WNK1: variants seen among roughly 807,000 people sequenced by gnomAD.
The protein encoded by WNK1 is WNK lysine deficient protein kinase 1.
In WNK1, 38 loss-of-function variants were observed where a neutral mutation model predicts 222.8. The observed-to-expected ratio is 0.17, with a 90% confidence interval of 0.13 to 0.22. The LOEUF is 0.22. WNK1 is among the 10% of genes least tolerant of loss of function. The pLI is 1.00. For synonymous variants in WNK1, 1,090 were observed against 1,092.9 expected, an observed-to-expected ratio of 1.00 and a Z score of 0.05; for missense variants, 2,348 against 2,918.4, an observed-to-expected ratio of 0.80 and a Z score of 4.50.
chr12:909,709 T>A lies in WNK1; in HGVS notation c.*917T>A, dbSNP rs1000949705. On this transcript the variant is annotated 3_prime_UTR_variant, in exon 28 of 28. Coordinates refer to ENST00000315939, the MANE Select transcript of WNK1 (RefSeq NM_018979.4). ...TGGACATTTTAGTGCCTTGGACTTC[T>A]ATTGCTTCTGCCATTAGCATCAACT... 6.6e-6 allele frequency: 1 copy of A among 152,256 alleles called. No homozygotes were observed. Among genetic ancestry groups the A allele is most frequent in the East Asian group, 1.9e-4 (1 of 5,204 alleles). 9.4% of individuals were successfully genotyped at this position (152,256 alleles called of 1,614,324 possible).
intron 2 of WNK1, among the ~76,000 whole-genome samples, chr12:825,177 C>T (rs969312715): frequency 2.0e-5 from 3 of 152,146 alleles, no homozygotes; most frequent in African/African-American, 7.2e-5. Context: ...GCCCTTATGC[C>T]GCTTTCCAGG....
intron 1 of WNK1, chr12:781,394 A>G (rs750323383): frequency 3.3e-5 from 5 of 152,072 alleles, no homozygotes; most frequent in Non-Finnish European, 7.3e-5. Flanking sequence ...GTTGATAGCT[A>G]TTTGCCACAA....
chr12:755,469 C>A (rs1939860930), intron 1 of WNK1, among the ~76,000 whole-genome samples: 1 of 152,126 alleles, frequency 6.6e-6, no homozygotes, highest in Non-Finnish European at 1.5e-5. Flanking sequence ...GAAATTAACA[C>A]AGCATGTGGA....
intron 4 of WNK1, among the ~76,000 whole-genome samples, chr12:845,575 A>G (rs1949971383): frequency 6.6e-6 from 1 of 152,242 alleles, no homozygotes; most frequent in African/African-American, 2.4e-5. Flanking sequence ...TTCCTTTCAA[A>G]TTCCGGCAAT....
chr12:759,597 G>C (rs1261803679), intron 1 of WNK1, among the ~76,000 whole-genome samples: 3 of 147,998 alleles, frequency 2.0e-5, no homozygotes, highest in South Asian at 2.2e-4. Context: ...CCAAAGTCCT[G>C]GGATTACAGG....
intron 20 of WNK1, 70 bp from the exon 21 acceptor site, chr12:889,070 C>G (rs1349885867): frequency 8.5e-7 from 1 of 1,171,368 alleles, no homozygotes; most frequent in Non-Finnish European, 1.3e-6. Flanking sequence ...TGTGTCCTAT[C>G]TAAATTGGCT....
chr12:759,617 C>T (rs1940733993), intron 1 of WNK1, among the ~76,000 whole-genome samples: 1 of 148,074 alleles, frequency 6.8e-6, no homozygotes, highest in Admixed American at 6.7e-5. Context: ...GCTTGAGCCA[C>T]CATGCTCAGC....
chr12:884,650 T>A lies in WNK1; in HGVS notation c.3846T>A (p.Val1282=). 6.2e-7 allele frequency: 1 copy of A among 1,614,110 alleles called. No homozygotes were observed. Among genetic ancestry groups the A allele is most frequent in the Non-Finnish European group, 8.5e-7 (1 of 1,179,898 alleles). The change falls in exon 19 of 28, where the codon GTT becomes GTA. Residue 1282 remains valine (V), a splice_region_variant and synonymous_variant. Transcript: ENST00000315939. This position sits in a 1 kb window ranked among gnomAD's most constrained non-coding sequence, Gnocchi z 5.6. ...TTATCTTTTTGTATTCCTTTGCAGT[T>A]GCTGCCTCTACAGCTCAGAGCCCTG... is the stretch of plus-strand genomic sequence containing the variant. ...KVFPSEITDT[V]AASTAQSPGM...
At chr12:758,254 A>G (rs973022629) in intron 1 of WNK1, among the ~76,000 whole-genome samples, 1 of 145,514 alleles carries the variant, frequency 6.9e-6, no homozygotes, top group African/African-American at 2.5e-5. Context: ...TCTGTCTTTT[A>G]TTAAGACTGT....
chr12:876,835 AC>A (rs1233114992), intron 9 of WNK1, among the ~76,000 whole-genome samples: 1 of 152,062 alleles, frequency 6.6e-6, no homozygotes, highest in Non-Finnish European at 1.5e-5. Context: ...AAAAAAGAAA[AC>A]TATGTGAAAA....
At chr12:779,586 G>C (rs1334147058) in intron 1 of WNK1, among the ~76,000 whole-genome samples, 2 of 151,942 alleles carry the variant, frequency 1.3e-5, no homozygotes, top group Non-Finnish European at 2.9e-5. Flanking sequence ...ATTTTTAGTA[G>C]AGACAGGGTT....
Position 880,905 on chromosome 12 carries a change from C to T in WNK1, c.3017C>T (p.Pro1006Leu). 6.2e-7 allele frequency: 1 copy of T among 1,614,150 alleles called. No homozygotes were observed. The highest frequency in any genetic ancestry group is 8.5e-7 in the Non-Finnish European group (1 of 1,180,040). Reference protein sequence around the residue: ...QPYVESNLLVPMGGVGGQVQV... With the variant: ...QPYVESNLLVLMGGVGGQVQV... ...TATGTGGAATCAAATCTTTTAGTTC[C>T]TATGGGTGGTGTAGGAGGACAGGTT... The change falls in exon 12 of 28, where the codon CCT becomes CTT. Residue 1006 changes from proline (P) to leucine (L), a missense_variant. Around this residue, in one of 13 missense-constraint regions of WNK1, gnomAD observed 547 missense variants for 558.3 expected, o/e 0.98. Coordinates refer to ENST00000315939, the MANE Select transcript of WNK1 (RefSeq NM_018979.4).
In WNK1 at chr12:862,113, C is replaced by A. The variant is rs763139220; in HGVS notation, c.1982C>A (p.Ser661Tyr). The change falls in exon 8 of 28, where the codon TCC becomes TAC. Residue 661 changes from serine to tyrosine, a missense_variant. By Grantham distance (144) the Ser-to-Tyr change is moderately radical. Coordinates refer to ENST00000315939, the MANE Select transcript of WNK1 (RefSeq NM_018979.4). ...GGGACGGTTGACAGTGGTCAGGGAT[C>A]CTCTGTCTTCACAGAATCTCGAGTG... ...SDGTVDSGQG[S>Y]SVFTESRVSS... 1.9e-6 allele frequency: 3 copies of A among 1,613,862 alleles called. No homozygotes were observed. The highest frequency in any genetic ancestry group is 1.7e-6 in the Non-Finnish European group (2 of 1,179,964).
chr12:759,639 G>A lies in WNK1; in HGVS notation c.759+5315G>A, dbSNP rs1289408695. Among the ~76,000 whole-genome samples, 3 of 147,714 alleles carry A rather than the reference G, an allele frequency of 2.0e-5. 1 individual carries two copies. Among genetic ancestry groups the A allele is most frequent in the Non-Finnish European group, 4.5e-5 (3 of 66,036 alleles). On this transcript the variant is annotated intron_variant, in intron 1 of 27. Transcript: ENST00000315939. ...CCACCATGCTCAGCCGTTTTGTTTT[G>A]TTTTAAAACCTGGTCTGCAGGAATA...
At chr12:824,497 A>G (rs1185401946) in intron 2 of WNK1, among the ~76,000 whole-genome samples, 1 of 152,116 alleles carries the variant, frequency 6.6e-6, no homozygotes, top group Non-Finnish European at 1.5e-5. Context: ...TGAAATGTGA[A>G]TCATAATATA....
At chr12:788,624 C>T (rs1352642612) in intron 1 of WNK1, among the ~76,000 whole-genome samples, 3 of 152,154 alleles carry the variant, frequency 2.0e-5, no homozygotes, top group Non-Finnish European at 4.4e-5. Flanking sequence ...TGAGGTGGCT[C>T]ACGCCTGTAA....
Position 896,793 on chromosome 12 carries a change from G to A in WNK1, c.6245+61G>A. 2.6e-6 allele frequency: 4 copies of A among 1,563,050 alleles called. No individual in the cohort carries two copies. The East Asian group carries it at 6.8e-5, about 27-fold the overall frequency. Reference sequence around the variant, plus strand: ...AAGGTTTTCAGACCTAGATCCCAGGGCCAAGATTAATAATATTTTTCGCCA... The same window carrying A: ...AAGGTTTTCAGACCTAGATCCCAGGACCAAGATTAATAATATTTTTCGCCA... On this transcript the variant is annotated intron_variant, in intron 24 of 27. Coordinates refer to ENST00000315939, the MANE Select transcript of WNK1 (RefSeq NM_018979.4).
At chr12:832,994 C>T (rs1381369147) in intron 4 of WNK1, among the ~76,000 whole-genome samples, 5 of 151,674 alleles carry the variant, frequency 3.3e-5, no homozygotes, top group African/African-American at 9.7e-5. Flanking sequence ...TCCCCTGATG[C>T]GTTGTAATTT....
chr12:778,006 C>T (rs1482877294), intron 1 of WNK1, among the ~76,000 whole-genome samples: 2 of 152,188 alleles, frequency 1.3e-5, no homozygotes, highest in Non-Finnish European at 2.9e-5. Context: ...GTATTTAGTG[C>T]TCTAGCTATC....
Sources: allele counts gnomAD v4.1 joint callset (sites outside exome capture counted in the v4.1 genomes callset), GRCh38; gene constraint gnomAD v4.1.1; regional missense constraint gnomAD v4.1.1; non-coding constraint Gnocchi (gnomAD v3.1); transcripts MANE v1.5; gene names NCBI Gene and HGNC (gene_info 2026-07-23, HGNC 2026-07-21).